Variants in PTBP3 observed in about 807,000 individuals in gnomAD.
The protein encoded by PTBP3 is polypyrimidine tract binding protein 3.
In PTBP3, 20 loss-of-function variants were observed where a neutral mutation model predicts 58.7. The observed-to-expected ratio is 0.34, with a 90% CI of 0.24 to 0.50. The LOEUF is 0.50. PTBP3 is among the 20% of genes least tolerant of loss of function. The probability of loss-of-function intolerance (pLI) is 0.98; values close to 1 mark genes in which losing one functional copy is unlikely to be tolerated. For synonymous variants in PTBP3, 185 were observed against 219.8 expected, an observed-to-expected ratio of 0.84 and a Z score of 1.40; for missense variants, 509 against 637.2, an observed-to-expected ratio of 0.80 and a Z score of 2.17.
intron 7 of PTBP3, among the ~76,000 whole-genome samples, chr9:112,245,241 C>G (rs570523193): frequency 1.2e-4 from 18 of 152,300 alleles, no homozygotes; most frequent in South Asian, 2.1e-4. Flanking sequence ...ACCCAGGAGG[C>G]AAAGGCTGCA....
chr9:112,220,822 T>C lies in PTBP3; in HGVS notation c.*3029A>G, dbSNP rs1834781661. 1 of 974,106 alleles carries C rather than the reference T, an allele frequency of 1.0e-6. No homozygotes were observed. The highest frequency in any genetic ancestry group is 1.2e-6 in the Non-Finnish European group (1 of 819,798). 60.3% of individuals were successfully genotyped at this position (974,106 alleles called of 1,614,324 possible). A position where few individuals can be genotyped will look rare whatever the true frequency, so the allele number is the denominator to read the frequency against. On this transcript the variant is annotated 3_prime_UTR_variant, in exon 14 of 14. Coordinates refer to ENST00000374257, the MANE Select transcript of PTBP3 (RefSeq NM_001163788.4). ...TTTTAAAGTCCTGAATATATATACT[T>C]TGTGTAGAAGTCAAGACACCTTGAA...
Position 112,223,385 on chromosome 9 carries a change from G to C in PTBP3, c.*466C>G, listed in dbSNP as rs1834868013. 1 of 955,150 alleles carries C rather than the reference G, an allele frequency of 1.0e-6. No individual in the cohort carries two copies. Among genetic ancestry groups the C allele is most frequent in the African/African-American group, 1.8e-5 (1 of 56,392 alleles). 59.2% of individuals were successfully genotyped at this position (955,150 alleles called of 1,614,324 possible). ...TATATGTGAATATAATTTCCTACAA[G>C]GGTCAGACTTCTGATTCATAAGGTT... On this transcript the variant is annotated 3_prime_UTR_variant, in exon 14 of 14. Transcript: ENST00000374257.
upstream of PTBP3, among the ~76,000 whole-genome samples, chr9:112,333,982 G>T (rs1184894768): frequency 6.6e-6 from 1 of 151,544 alleles, no homozygotes; most frequent in Non-Finnish European, 1.5e-5. Flanking sequence ...TCGCAGACCG[G>T]GCCTGCCAGG....
chr9:112,327,861 A>C (rs189966038), intron 1 of PTBP3, among the ~76,000 whole-genome samples: 12 of 152,264 alleles, frequency 7.9e-5, no homozygotes, highest in African/African-American at 2.9e-4. Context: ...ATTCTACCTA[A>C]CTAGCCATGT....
intron 1 of PTBP3, among the ~76,000 whole-genome samples, chr9:112,325,131 T>C (rs1002056848): frequency 2.0e-5 from 3 of 152,172 alleles, no homozygotes; most frequent in African/African-American, 7.2e-5. Context: ...TACTGTTATA[T>C]ATTTGATAAG....
At chr9:112,356,999 T>C in the PTBP3 span, among the ~76,000 whole-genome samples, 141,716 of 151,390 alleles carry the variant, frequency 0.94, 66,422 homozygotes, top group South Asian at 0.96. Context: ...CCTGCCTCAG[T>C]CTCCCGAGTA....
chr9:112,351,675 A>T, the PTBP3 span, among the ~76,000 whole-genome samples: 3 of 152,328 alleles, frequency 2.0e-5, no homozygotes, highest in African/African-American at 7.2e-5. Flanking sequence ...ATTTAATTAT[A>T]TCAGTATGGA....
the PTBP3 span, among the ~76,000 whole-genome samples, chr9:112,351,614 C>G: frequency 6.6e-6 from 1 of 152,188 alleles, no homozygotes; most frequent in Admixed American, 6.6e-5. Context: ...ATTTAGAATT[C>G]TTCTGTACAG....
At chr9:112,331,206 T>C (rs1830361176) in intron 1 of PTBP3, among the ~76,000 whole-genome samples, 1 of 151,678 alleles carries the variant, frequency 6.6e-6, no homozygotes, top group Non-Finnish European at 1.5e-5. Context: ...ACTACCCAAA[T>C]AAGGAAAAAG....
intron 1 of PTBP3, among the ~76,000 whole-genome samples, chr9:112,302,247 A>T (rs1828965913): frequency 6.6e-6 from 1 of 152,250 alleles, no homozygotes; most frequent in African/African-American, 2.4e-5. Flanking sequence ...ATAAAGGGAT[A>T]CAACAGCTCA....
chr9:112,252,643 T>G, intron 6 of PTBP3, 35 bp downstream of exon 6: 2 of 1,467,506 alleles, frequency 1.4e-6, no homozygotes, highest in Non-Finnish European at 1.9e-6. Flanking sequence ...CTGGAGTGAT[T>G]AACAATTGAA....
At chr9:112,297,969 C>G in intron 1 of PTBP3, 53 bp from the exon 2 acceptor site, 1 of 1,369,168 alleles carries the variant, frequency 7.3e-7, no homozygotes, top group Admixed American at 1.9e-5. Flanking sequence ...GATAATGGTC[C>G]ATATTTACTA....
intron 5 of PTBP3, among the ~76,000 whole-genome samples, chr9:112,261,035 T>C (rs1286460706): frequency 6.6e-6 from 1 of 152,184 alleles, no homozygotes; most frequent in Non-Finnish European, 1.5e-5. Context: ...ACATCTTTTA[T>C]AAAAGCAATA....
chr9:112,336,948 CAG>C (rs1220097343), upstream of PTBP3, among the ~76,000 whole-genome samples: 2 of 152,300 alleles, frequency 1.3e-5, no homozygotes, highest in South Asian at 4.1e-4. Flanking sequence ...TATAAGAAAA[CAG>C]AAAACAGTTT....
intron 2 of PTBP3, among the ~76,000 whole-genome samples, chr9:112,290,944 G>A (rs576590283): frequency 2.7e-4 from 41 of 151,924 alleles, no homozygotes; most frequent in African/African-American, 8.4e-4. Context: ...AAATGTGGCC[G>A]GGCACAGTGG....
At chr9:112,314,784 C>T (rs1829634606) in intron 1 of PTBP3, among the ~76,000 whole-genome samples, 1 of 151,870 alleles carries the variant, frequency 6.6e-6, no homozygotes, top group African/African-American at 2.4e-5. Flanking sequence ...AATAAAAAAT[C>T]AGTAAAGATA....
intron 1 of PTBP3, among the ~76,000 whole-genome samples, chr9:112,326,205 A>G (rs1041749262): frequency 5.9e-5 from 9 of 152,202 alleles, no homozygotes; most frequent in Admixed American, 4.6e-4. Flanking sequence ...AGACATGTGC[A>G]TTTCATTCTA....
At chr9:112,341,488 C>T in the PTBP3 span, among the ~76,000 whole-genome samples, 2 of 151,558 alleles carry the variant, frequency 1.3e-5, no homozygotes, top group East Asian at 1.9e-4. Flanking sequence ...TTTTGTTTTT[C>T]GTTGGGTGTG....
chr9:112,290,997 G>A (rs546275581), intron 2 of PTBP3, among the ~76,000 whole-genome samples: 8 of 151,996 alleles, frequency 5.3e-5, no homozygotes, highest in South Asian at 2.1e-4. Flanking sequence ...CAAGGTGAGC[G>A]GATCACCTGA....
Sources: allele counts gnomAD v4.1 joint callset (sites outside exome capture counted in the v4.1 genomes callset), GRCh38; gene constraint gnomAD v4.1.1; transcripts MANE v1.5; gene names NCBI Gene and HGNC (gene_info 2026-07-23, HGNC 2026-07-21).